Variants in ZNF200 observed in about 807,000 individuals in gnomAD.
ZNF200 encodes zinc finger protein 200.
A neutral mutation model predicts 33.6 loss-of-function variants in ZNF200; 35 were observed. That is an observed-to-expected ratio of 1.04 (90% CI 0.80 to 1.38). The LOEUF is 1.38. ZNF200 is among the 40% of genes most tolerant of loss of function. The probability of loss-of-function intolerance (pLI) is 0.00; values close to 1 mark genes in which losing one functional copy is unlikely to be tolerated. For missense variants in ZNF200, 592 were observed against 470.6 expected (o/e 1.26, Z -2.39); for synonymous variants, 209 against 167.7 (o/e 1.25, Z -1.90).
At position 3,223,707 on chromosome 16, in the gene ZNF200, A is replaced by T; in HGVS notation, c.*185T>A. On this transcript the variant is annotated 3_prime_UTR_variant, in exon 5 of 5. Transcript: ENST00000414144. ...TAGATGCTGAGGTATAGCCCTTGAA[A>T]TGTTTTCTTCCCTGTGAATTTTCTA... 1 of 895,668 alleles carries T rather than the reference A, an allele frequency of 1.1e-6. No homozygotes were observed. The highest frequency in any genetic ancestry group is 1.9e-5 in the South Asian group (1 of 53,068). The allele number at this position is 895,668 out of a possible 1,614,324, so 55.5% of individuals were successfully genotyped here.
At chr16:3,225,262 G>A (rs11077323) in intron 4 of ZNF200, 63,720 of 151,946 alleles carry the variant, frequency 0.42, 13,530 homozygotes, top group East Asian at 0.57. Flanking sequence ...CCTGACCATC[G>A]TGGAGAAACC....
rs1596332031 is a variant in ZNF200 at position 3,223,927 on chromosome 16, T to C, written c.1153A>G (p.Thr385Ala). The C allele has an allele frequency of 5.6e-6, 9 of 1,613,556 alleles. No individual in the cohort carries two copies. Among genetic ancestry groups the C allele is most frequent in the Non-Finnish European group, 7.6e-6 (9 of 1,179,804 alleles). ...TTTCGGGTCTTACAGGCTGAGTGGGTTTTCTCATGCCGGGTACAGTTTGAC... is the reference window on the plus strand; with the variant it reads ...TTTCGGGTCTTACAGGCTGAGTGGGCTTTCTCATGCCGGGTACAGTTTGAC... ...RLSNCTRHEK[T>A]HSACKTRKQK is the part of the protein sequence containing the mutation. Residue 385 changes from threonine (T) to alanine (A), a missense_variant, in exon 5 of 5, where the codon ACC becomes GCC. Physicochemically the swap from Thr to Ala is moderately conservative, Grantham distance 58 (BLOSUM62 0). Coordinates refer to ENST00000414144, the MANE Select transcript of ZNF200 (RefSeq NM_198088.3).
At position 3,233,711 on chromosome 16, in the gene ZNF200, C is replaced by T. The variant is rs1958710972; in HGVS notation, c.45G>A (p.Gln15=). The T allele has an allele frequency of 6.2e-7, 1 of 1,613,368 alleles. No individual in the cohort carries two copies. Among genetic ancestry groups the T allele is most frequent in the South Asian group, 1.1e-5 (1 of 91,036 alleles). The change falls in exon 2 of 5, where the codon CAG becomes CAA. Residue 15 remains glutamine, a synonymous_variant. Coordinates refer to ENST00000414144, the MANE Select transcript of ZNF200 (RefSeq NM_198088.3). ...KVVPMPPKPK[Q]SFILRVPPDS... ...CTGGCGGAACTCTCAGTATAAAGGA[C>T]TGCTTTGGCTTTGGGGGCATAGGAA...
At chr16:3,234,904 C>G (rs1331056162) in intron 1 of ZNF200, 83 bp downstream of exon 1, 2 of 152,360 alleles carry the variant, frequency 1.3e-5, no homozygotes, top group Non-Finnish European at 2.9e-5. Flanking sequence ...GCTCCCTACC[C>G]GGCCTTGCTC....
intron 4 of ZNF200, among the ~76,000 whole-genome samples, chr16:3,229,863 C>CAAAA (rs34447919): frequency 7.0e-6 from 1 of 143,748 alleles, no homozygotes. Context: ...GACTCCGTCT[C>CAAAA]AAAAAAAAAA....
At chr16:3,233,178 C>T (rs1199845231) in intron 2 of ZNF200, among the ~76,000 whole-genome samples, 1 of 152,176 alleles carries the variant, frequency 6.6e-6, no homozygotes, top group Non-Finnish European at 1.5e-5. Flanking sequence ...GAGCTTAGGG[C>T]AACGTAAAGT....
At chr16:3,231,607 A>G (rs1406812535) in intron 4 of ZNF200, among the ~76,000 whole-genome samples, 1 of 152,250 alleles carries the variant, frequency 6.6e-6, no homozygotes, top group Non-Finnish European at 1.5e-5. Flanking sequence ...CTGCTTGATC[A>G]GTTCATACAC....
rs777353218 is a variant in ZNF200 at position 3,233,708 on chromosome 16, G to T, written c.48C>A (p.Ser16=). The part of the protein sequence containing the change: ...VVPMPPKPKQ[S]FILRVPPDSK... ...AGTCTGGCGGAACTCTCAGTATAAA[G>T]GACTGCTTTGGCTTTGGGGGCATAG... is the stretch of plus-strand genomic sequence containing the variant. The change falls in exon 2 of 5, where the codon TCC becomes TCA. Residue 16 remains serine, a synonymous_variant. Coordinates refer to ENST00000414144, the MANE Select transcript of ZNF200 (RefSeq NM_198088.3). 4 of 1,613,580 alleles carry T rather than the reference G, an allele frequency of 2.5e-6. No homozygotes were observed. Among genetic ancestry groups the T allele is most frequent in the Non-Finnish European group, 1.7e-6 (2 of 1,179,884 alleles).
chr16:3,224,727 C>A, intron 4 of ZNF200, 114 bp from the exon 5 acceptor site: 3 of 1,346,808 alleles, frequency 2.2e-6, no homozygotes, highest in South Asian at 3.0e-5. Flanking sequence ...TGGGGAGTGG[C>A]GGATACTGCC....
intron 4 of ZNF200, among the ~76,000 whole-genome samples, chr16:3,231,050 A>C (rs1242014462): frequency 6.6e-6 from 1 of 152,216 alleles, no homozygotes; most frequent in Non-Finnish European, 1.5e-5. Flanking sequence ...CTGAGGAAAA[A>C]ACTAGTACAT....
At chr16:3,232,617 C>A (rs562587329) in intron 3 of ZNF200, 70 bp from the exon 4 acceptor site, 2 of 1,584,814 alleles carry the variant, frequency 1.3e-6, no homozygotes, top group Non-Finnish European at 1.7e-6. Flanking sequence ...GTAAGAAAAG[C>A]TGACACACAA....
At position 3,223,826 on chromosome 16, in the gene ZNF200, TC is replaced by T. The variant is rs35985482; in HGVS notation, c.*65del. On this transcript the variant is annotated 3_prime_UTR_variant, in exon 5 of 5. Coordinates refer to ENST00000414144, the MANE Select transcript of ZNF200 (RefSeq NM_198088.3). Reference sequence around the variant, plus strand: ...ATACCTTTTTAGGCAGCTTGGGAATTCAGAACTACTTATGAAAGCTCTCAGG... The same window carrying T: ...ATACCTTTTTAGGCAGCTTGGGAATTAGAACTACTTATGAAAGCTCTCAGG... 3.4e-3 allele frequency: 5,110 copies of T among 1,517,106 alleles called. 9 individuals are homozygous for T. Among genetic ancestry groups the T allele is most frequent in the Non-Finnish European group, 3.5e-3 (3,999 of 1,137,422 alleles). The allele number at this position is 1,517,106 out of a possible 1,614,324, so 94.0% of individuals were successfully genotyped here.
rs1449473166 is a variant in ZNF200 at position 3,224,483 on chromosome 16, G to A, written c.597C>T (p.Asn199=). The stretch of plus-strand genomic sequence containing the variant: ...ATGTATTTAGTCGTTCCTTTTCCTG[G>A]TTATCGGGAGGCTGCTGAGAGACCA... ...SSLVSQQPPD[N]QEKERLNTSI... Residue 199 remains asparagine, a synonymous_variant, in exon 5 of 5, where the codon AAC becomes AAT. Coordinates refer to ENST00000414144, the MANE Select transcript of ZNF200 (RefSeq NM_198088.3). 1 of 1,614,084 alleles carries A rather than the reference G, an allele frequency of 6.2e-7. No homozygotes were observed. The highest frequency in any genetic ancestry group is 8.5e-7 in the Non-Finnish European group (1 of 1,180,006).
intron 4 of ZNF200, among the ~76,000 whole-genome samples, chr16:3,231,447 A>C (rs1191434282): frequency 6.6e-6 from 1 of 152,216 alleles, no homozygotes; most frequent in African/African-American, 2.4e-5. Flanking sequence ...TATTCTCTGT[A>C]CAACTTCACC....
intron 4 of ZNF200, among the ~76,000 whole-genome samples, chr16:3,230,403 C>T (rs916625023): frequency 2.0e-5 from 3 of 152,112 alleles, no homozygotes; most frequent in African/African-American, 7.2e-5. Flanking sequence ...TGTGACAGAT[C>T]CTACTTTATT....
Position 3,235,149 on chromosome 16 carries a change from TGAG to T in ZNF200, c.-247_-245del, listed in dbSNP as rs1167320539. 4 of 152,280 alleles carry T rather than the reference TGAG, an allele frequency of 2.6e-5. No individual in the cohort carries two copies. Among genetic ancestry groups the T allele is most frequent in the South Asian group, 2.1e-4 (1 of 4,830 alleles). 9.4% of individuals were successfully genotyped at this position (152,280 alleles called of 1,614,324 possible). ...ACTATTCGTTCGCGCCGCCGCCAGT[TGAG>T]GAGAACGGCAGGGACTCGGTGCCTT... On this transcript the variant is annotated 5_prime_UTR_variant, in exon 1 of 5. Transcript: ENST00000414144.
chr16:3,229,148 C>A (rs1958563490), intron 4 of ZNF200, among the ~76,000 whole-genome samples: 1 of 151,940 alleles, frequency 6.6e-6, no homozygotes, highest in Admixed American at 6.6e-5. Flanking sequence ...TATGTAAATG[C>A]TACACCATTT....
rs200302589 is a variant in ZNF200 at position 3,224,658 on chromosome 16, C to T, written c.467-45G>A. ...TAACAACTTCTGAGAGATATCACAA[C>T]ACCAGGCAGGAAAAAACAAGTCAGG... On this transcript the variant is annotated intron_variant, in intron 4 of 4. Coordinates refer to ENST00000414144, the MANE Select transcript of ZNF200 (RefSeq NM_198088.3). 4.6e-6 allele frequency: 7 copies of T among 1,525,488 alleles called. No homozygotes were observed. The African/African-American group carries it at 6.9e-5, about 15-fold the overall frequency. The allele number at this position is 1,525,488 out of a possible 1,614,324, so 94.5% of individuals were successfully genotyped here. A position where few individuals can be genotyped will look rare whatever the true frequency, so the allele number is the denominator to read the frequency against.
intron 4 of ZNF200, chr16:3,225,036 TATATTAA>T (rs1958431943): frequency 6.2e-6 from 1 of 162,490 alleles, no homozygotes; most frequent in African/African-American, 2.4e-5. Flanking sequence ...AGGTTTTCAC[TATATTAA>T]ATATTATCAC....
Sources: gnomAD v4.1 joint callset for allele counts (sites outside exome capture counted in the v4.1 genomes callset) on GRCh38, gnomAD v4.1.1 for gene constraint, MANE v1.5 for transcripts, NCBI Gene and HGNC (gene_info 2026-07-23, HGNC 2026-07-21) for gene names.